Variants in PAICS observed in about 807,000 individuals in gnomAD.
The protein encoded by PAICS is phosphoribosylaminoimidazole carboxylase and phosphoribosylaminoimidazolesuccinocarboxamide synthase.
Under a neutral mutation model 53.7 loss-of-function variants are expected in PAICS, and 33 were observed. That is an observed-to-expected ratio of 0.61 (90% confidence interval 0.47 to 0.82). The LOEUF is 0.82. PAICS is among the 40% of genes least tolerant of loss of function. PAICS has a pLI of 0.00. For missense variants in PAICS, 394 were observed against 494.1 expected (o/e 0.80, Z 1.92); for synonymous variants, 141 against 167.2 (o/e 0.84, Z 1.21).
At chr4:56,438,371 T>TTTTATA (rs869127756) in intron 1 of PAICS, among the ~76,000 whole-genome samples, 2 of 113,636 alleles carry the variant, frequency 1.8e-5, no homozygotes, top group African/African-American at 3.0e-5. Context: ...TGCAATGTGT[T>TTTTATA]TATATATATA....
chr4:56,443,808 G>A (rs1718454920), intron 2 of PAICS, among the ~76,000 whole-genome samples: 1 of 152,166 alleles, frequency 6.6e-6, no homozygotes. Context: ...GAAGAGTCCT[G>A]TGATCAGGGG....
In PAICS at chr4:56,436,330, T is replaced by C. The variant is rs1578143446; in HGVS notation, c.16+2T>C. 1 of 1,594,286 alleles carries C rather than the reference T, an allele frequency of 6.3e-7. No homozygotes were observed. The stretch of plus-strand genomic sequence containing the variant: ...TTAGGATAATGGCGACAGCTGAGGG[T>C]GAGTAACAGGGATCCGGGCCCTTCA... On this transcript the variant is annotated splice_donor_variant, in intron 1 of 8. Coordinates refer to ENST00000512576, the MANE Select transcript of PAICS (RefSeq NM_001079524.2). LOFTEE classifies it high-confidence loss of function.
intron 8 of PAICS, among the ~76,000 whole-genome samples, chr4:56,459,042 G>A (rs937570243): frequency 6.6e-6 from 1 of 152,154 alleles, no homozygotes; most frequent in African/African-American, 2.4e-5. Flanking sequence ...TGCTTCAGTT[G>A]TTCTTCGCCA....
chr4:56,439,091 T>C (rs754143598), intron 1 of PAICS, among the ~76,000 whole-genome samples: 17 of 152,208 alleles, frequency 1.1e-4, no homozygotes, highest in Non-Finnish European at 2.1e-4. Context: ...ACCCATTAAT[T>C]CAAATTCCTT....
the PAICS span, among the ~76,000 whole-genome samples, chr4:56,416,886 G>A: frequency 6.6e-6 from 1 of 152,122 alleles, no homozygotes; most frequent in East Asian, 1.9e-4. Flanking sequence ...GTCTCACTCT[G>A]TTGCCCAGGC....
chr4:56,450,456 A>G (rs1021815799), intron 5 of PAICS, among the ~76,000 whole-genome samples, 163 bp from the exon 6 acceptor site: 1 of 152,242 alleles, frequency 6.6e-6, no homozygotes, highest in Non-Finnish European at 1.5e-5. Flanking sequence ...AGTATACTTT[A>G]CTATGGAACT....
At chr4:56,435,259 G>C, upstream of PAICS, 1 of 1,568,680 alleles carries the variant, frequency 6.4e-7, no homozygotes, top group South Asian at 1.2e-5. Flanking sequence ...GGTCCTCCCG[G>C]GCCCTCGGGC....
At chr4:56,452,525 C>T (rs1334810857) in intron 7 of PAICS, among the ~76,000 whole-genome samples, 1 of 151,882 alleles carries the variant, frequency 6.6e-6, no homozygotes, top group Non-Finnish European at 1.5e-5. Flanking sequence ...ATTCTAGAAG[C>T]TTAGAAAAGA....
chr4:56,456,209 A>C (rs1005149320), intron 8 of PAICS, among the ~76,000 whole-genome samples: 1 of 152,096 alleles, frequency 6.6e-6, no homozygotes, highest in Non-Finnish European at 1.5e-5. Flanking sequence ...CTCGTGCCTC[A>C]ACCTCCTGAG....
chr4:56,429,867 C>T, the PAICS span, among the ~76,000 whole-genome samples: 1 of 152,186 alleles, frequency 6.6e-6, no homozygotes, highest in Non-Finnish European at 1.5e-5. Context: ...ACTATATGTA[C>T]TTTTCTTTCA....
At chr4:56,432,525 C>CA (rs34998854), upstream of PAICS, among the ~76,000 whole-genome samples, 17,984 of 75,112 alleles carry the variant, frequency 0.24, 1,693 homozygotes, top group East Asian at 0.58. Context: ...GACCCTGTCT[C>CA]AAAAAAAAAA....
chr4:56,452,062 A>G lies in PAICS; in HGVS notation c.952+10A>G, dbSNP rs918251946. The G allele has an allele frequency of 1.9e-6, 3 of 1,541,866 alleles. No homozygotes were observed. Among genetic ancestry groups the G allele is most frequent in the Admixed American group, 1.8e-5 (1 of 55,834 alleles). On this transcript the variant is annotated intron_variant, in intron 7 of 8. Transcript: ENST00000512576. ...AAAGCTGAGTATGAAGGTAAACCAC[A>G]AGTAATATGGACATTTCAGGTATTT...
At chr4:56,435,745 T>C (rs1398601105), upstream of PAICS, 121 of 1,484,804 alleles carry the variant, frequency 8.1e-5, no homozygotes, top group Non-Finnish European at 1.0e-4. Flanking sequence ...TGCTGTAGGG[T>C]GGAGCTAGCC....
intron 2 of PAICS, among the ~76,000 whole-genome samples, chr4:56,446,185 A>G (rs934146415): frequency 6.6e-6 from 1 of 152,244 alleles, no homozygotes. Context: ...TAAGTGTCCA[A>G]TTCAGTGGCA....
chr4:56,415,212 T>C, the PAICS span, among the ~76,000 whole-genome samples: 1 of 152,150 alleles, frequency 6.6e-6, no homozygotes, highest in Non-Finnish European at 1.5e-5. Context: ...CTCAATAAAA[T>C]AGAAGTGGAA....
upstream of PAICS, chr4:56,435,636 T>C: frequency 2.1e-6 from 3 of 1,442,694 alleles, no homozygotes; most frequent in Middle Eastern, 2.5e-4. Context: ...GCGCTGTCCC[T>C]AGGTGGCGTG....
rs181425442 is a variant in PAICS at position 56,443,027 on chromosome 4, T to C, written c.214+1167T>C. ...TGTATTGCTGTAAATTTAAAGGATCTTCCAGAGTTCCTAAGTCACAGAATC... is the reference window on the plus strand; with the variant it reads ...TGTATTGCTGTAAATTTAAAGGATCCTCCAGAGTTCCTAAGTCACAGAATC... On this transcript the variant is annotated intron_variant, in intron 2 of 8. Transcript: ENST00000512576. 3.6e-3 allele frequency among the ~76,000 whole-genome samples: 555 copies of C among 152,296 alleles called. 1 individual carries two copies. Among genetic ancestry groups the C allele is most frequent in the Non-Finnish European group, 6.2e-3 (423 of 68,018 alleles).
In PAICS at chr4:56,448,706, C is replaced by G. The variant is rs746160982; in HGVS notation, c.574-4C>G. ...TGAAAACTTTGTTGACATGCTGTTT[C>G]CAGATTGAATTTGGTGTTGATGTAA... On this transcript the variant is annotated splice_polypyrimidine_tract_variant and splice_region_variant and intron_variant, in intron 4 of 8. Coordinates refer to ENST00000512576, the MANE Select transcript of PAICS (RefSeq NM_001079524.2). 39 of 1,559,628 alleles carry G rather than the reference C, an allele frequency of 2.5e-5. No homozygotes were observed. Among genetic ancestry groups the G allele is most frequent in the Admixed American group, 9.0e-5 (5 of 55,312 alleles).
Position 56,448,694 on chromosome 4 carries a change from G to C in PAICS, c.574-16G>C. On this transcript the variant is annotated splice_polypyrimidine_tract_variant and intron_variant, in intron 4 of 8. Coordinates refer to ENST00000512576, the MANE Select transcript of PAICS (RefSeq NM_001079524.2). The stretch of plus-strand genomic sequence containing the variant: ...TAAAATAGTTTTTGAAAACTTTGTT[G>C]ACATGCTGTTTCCAGATTGAATTTG... 1.3e-6 allele frequency: 2 copies of C among 1,536,718 alleles called. No homozygotes were observed. Among genetic ancestry groups the C allele is most frequent in the Non-Finnish European group, 8.9e-7 (1 of 1,121,886 alleles).
Sources: allele counts gnomAD v4.1 joint callset (sites outside exome capture counted in the v4.1 genomes callset), GRCh38; gene constraint gnomAD v4.1.1; transcripts MANE v1.5; gene names NCBI Gene and HGNC (gene_info 2026-07-23, HGNC 2026-07-21).